The following PDE1C variants were observed in gnomAD, a reference collection of about 807,000 sequenced individuals.
The protein encoded by PDE1C is dual specificity calcium/calmodulin-dependent 3',5'-cyclic nucleotide phosphodiesterase 1C.
A neutral mutation model predicts 93.1 loss-of-function variants in PDE1C; 62 were observed. The observed-to-expected ratio is 0.67, with a 90% CI of 0.54 to 0.82. The LOEUF is 0.82. Among genes scored for constraint, PDE1C ranks in the 40% least tolerant of loss-of-function variants. The pLI is 0.00. For missense variants in PDE1C, 742 were observed against 884.6 expected (o/e 0.84, Z 2.04); for synonymous variants, 325 against 310.1 (o/e 1.05, Z -0.50).
chr7:31,670,667 C>T, the PDE1C span, among the ~76,000 whole-genome samples: 1 of 152,198 alleles, frequency 6.6e-6, no homozygotes, highest in East Asian at 1.9e-4. Flanking sequence ...CTGATAGAGA[C>T]AGGAGGCAGG....
In PDE1C at chr7:31,888,800, GA is replaced by G. The variant is rs556478255; in HGVS notation, c.129-7941del. Among the ~76,000 whole-genome samples the G allele has an allele frequency of 1.6e-3, 235 of 151,554 alleles. 1 individual carries two copies. The highest frequency in any genetic ancestry group is 5.6e-3 in the African/African-American group (228 of 41,078). On this transcript the variant is annotated intron_variant, in intron 2 of 17. Coordinates refer to ENST00000396191, the MANE Select transcript of PDE1C (RefSeq NM_001191057.4). ...AGAAGAAATAATAGACATAGGACTG[GA>G]AAAAAATAATATCTTTAAAAAGCAG...
chr7:32,186,188 C>T (rs1420779932), intron 2 of PDE1C, among the ~76,000 whole-genome samples: 2 of 151,346 alleles, frequency 1.3e-5, no homozygotes, highest in African/African-American at 2.4e-5. Context: ...CTGCAAGCTC[C>T]GCCTCCCGGG....
chr7:31,798,592 G>A (rs1346346058), intron 16 of PDE1C, among the ~76,000 whole-genome samples: 1 of 151,622 alleles, frequency 6.6e-6, no homozygotes, highest in Non-Finnish European at 1.5e-5. Flanking sequence ...CTCTAAGAAT[G>A]GTAAATCCAT....
chr7:32,270,817 A>C (rs1219176757), intron 1 of PDE1C, among the ~76,000 whole-genome samples: 2 of 152,030 alleles, frequency 1.3e-5, no homozygotes, highest in African/African-American at 4.8e-5. Context: ...TGTTTCCTCC[A>C]ATGCAAAATG....
intron 2 of PDE1C, among the ~76,000 whole-genome samples, chr7:32,010,805 T>A (rs573709773): frequency 2.0e-5 from 3 of 152,302 alleles, no homozygotes; most frequent in Admixed American, 2.0e-4. Flanking sequence ...CCCTCTGCAC[T>A]TGTGTCTAAA....
At chr7:31,794,702 A>T (rs1785071772) in intron 16 of PDE1C, among the ~76,000 whole-genome samples, 1 of 151,990 alleles carries the variant, frequency 6.6e-6, no homozygotes, top group South Asian at 2.1e-4. Flanking sequence ...TCTGATGATA[A>T]GTCAACATCC....
chr7:31,933,021 T>G (rs185077025), intron 2 of PDE1C, among the ~76,000 whole-genome samples: 7 of 151,902 alleles, frequency 4.6e-5, no homozygotes, highest in Admixed American at 1.3e-4. Context: ...ATAATGAGAA[T>G]GAACGGGCAC....
chr7:32,187,197 T>C (rs531564545), intron 2 of PDE1C, among the ~76,000 whole-genome samples: 7 of 152,102 alleles, frequency 4.6e-5, no homozygotes, highest in Non-Finnish European at 4.4e-5. Flanking sequence ...TCTCACTATG[T>C]CACCCAGGCG....
At chr7:31,986,138 T>C (rs907982248) in intron 2 of PDE1C, among the ~76,000 whole-genome samples, 1 of 151,762 alleles carries the variant, frequency 6.6e-6, no homozygotes, top group African/African-American at 2.4e-5. Flanking sequence ...TTCTGGGAAC[T>C]AGACGTCCAA....
intron 15 of PDE1C, among the ~76,000 whole-genome samples, chr7:31,810,240 G>A (rs1787381719): frequency 6.6e-6 from 1 of 152,058 alleles, no homozygotes; most frequent in African/African-American, 2.4e-5. Flanking sequence ...TTTCTTACCA[G>A]TCTTACTAAT....
intron 1 of PDE1C, among the ~76,000 whole-genome samples, chr7:32,057,144 A>G (rs942328280): frequency 6.6e-6 from 1 of 152,240 alleles, no homozygotes; most frequent in Non-Finnish European, 1.5e-5. Context: ...TTATCTTTCA[A>G]AGAAAGTCCT....
At chr7:31,621,761 A>C in the PDE1C span, among the ~76,000 whole-genome samples, 1 of 148,450 alleles carries the variant, frequency 6.7e-6, no homozygotes, top group Non-Finnish European at 1.5e-5. Context: ...TAACAATATT[A>C]ACTTTAAATG....
At chr7:32,216,690 C>A (rs942017016) in intron 1 of PDE1C, among the ~76,000 whole-genome samples, 9 of 152,224 alleles carry the variant, frequency 5.9e-5, no homozygotes, top group African/African-American at 2.2e-4. Flanking sequence ...CCTGCCTTCA[C>A]ATTGAATAAG....
At chr7:32,273,798 C>T (rs1431803148) in intron 1 of PDE1C, among the ~76,000 whole-genome samples, 1 of 152,158 alleles carries the variant, frequency 6.6e-6, no homozygotes, top group East Asian at 1.9e-4. Flanking sequence ...GTGGCAGCCT[C>T]GTTCAGAGAA....
At chr7:31,727,650 C>A in the PDE1C span, among the ~76,000 whole-genome samples, 1 of 152,168 alleles carries the variant, frequency 6.6e-6, no homozygotes, top group Non-Finnish European at 1.5e-5. Flanking sequence ...CAATAACTAT[C>A]TAATATCAGG....
chr7:31,904,372 C>T (rs67847415), intron 2 of PDE1C, among the ~76,000 whole-genome samples: 1 of 151,790 alleles, frequency 6.6e-6, no homozygotes, highest in Non-Finnish European at 1.5e-5. Flanking sequence ...AAAAAAAAAT[C>T]TATATACAAT....
intron 7 of PDE1C, 24 bp downstream of exon 7, chr7:31,864,918 C>A: frequency 1.2e-6 from 2 of 1,607,250 alleles, no homozygotes; most frequent in Non-Finnish European, 8.5e-7. Flanking sequence ...TTTGGGGAAC[C>A]TAAGAGTTCC....
chr7:31,632,680 G>A, the PDE1C span, among the ~76,000 whole-genome samples: 3 of 152,074 alleles, frequency 2.0e-5, no homozygotes, highest in African/African-American at 7.2e-5. Flanking sequence ...AAATCTAGCA[G>A]CAGGAAAAGA....
chr7:32,403,714 C>T (rs759708036), intron 1 of PDE1C, among the ~76,000 whole-genome samples: 6 of 152,084 alleles, frequency 3.9e-5, no homozygotes, highest in Non-Finnish European at 7.4e-5. Context: ...CGTCTTATAC[C>T]CCCACGCTTT....
Sources: gnomAD v4.1 joint callset for allele counts (sites outside exome capture counted in the v4.1 genomes callset) on GRCh38, gnomAD v4.1.1 for gene constraint, MANE v1.5 for transcripts, NCBI Gene and HGNC (gene_info 2026-07-23, HGNC 2026-07-21) for gene names.